Variants in ARHGAP32 observed in about 807,000 individuals in gnomAD.
ARHGAP32 encodes the protein rho GTPase-activating protein 32.
In ARHGAP32, 51 loss-of-function variants were observed where a neutral mutation model predicts 186.5. The ratio of observed to expected loss-of-function variants is 0.27; its 90% confidence interval spans 0.22 to 0.35. The LOEUF (loss-of-function observed/expected upper bound fraction) is 0.35, where lower values mean the gene tolerates loss of function less well. ARHGAP32 is among the 10% of genes least tolerant of loss of function. ARHGAP32 has a pLI of 1.00. For synonymous variants in ARHGAP32, 950 were observed against 964.3 expected (o/e 0.99, Z 0.27); for missense variants, 2,186 against 2,623.5 (o/e 0.83, Z 3.64).
chr11:129,092,713 C>T (rs1233147800), intron 6 of ARHGAP32, among the ~76,000 whole-genome samples: 1 of 151,916 alleles, frequency 6.6e-6, no homozygotes, highest in East Asian at 1.9e-4. Flanking sequence ...CAACTAAAAA[C>T]TTCAGTATAT....
chr11:128,965,850 T>TA lies in ARHGAP32; in HGVS notation c.*3056dup, dbSNP rs1206357186. ...GCATCTATTACTGCTCCAAATGTGG[T>TA]AACCTACTCCTCCGTCCCCACTCAC... On this transcript the variant is annotated 3_prime_UTR_variant, in exon 23 of 23. Coordinates refer to ENST00000682385, the MANE Select transcript of ARHGAP32 (RefSeq NM_001378024.1). The TA allele has an allele frequency of 6.6e-6, 1 of 152,212 alleles. No individual in the cohort carries two copies. The highest frequency in any genetic ancestry group is 1.5e-5 in the Non-Finnish European group (1 of 68,040). 9.4% of individuals were successfully genotyped at this position (152,212 alleles called of 1,614,324 possible). A position where few individuals can be genotyped will look rare whatever the true frequency, so the allele number is the denominator to read the frequency against.
chr11:129,021,051 G>C (rs890931767), intron 11 of ARHGAP32, among the ~76,000 whole-genome samples: 6 of 152,002 alleles, frequency 3.9e-5, no homozygotes, highest in Non-Finnish European at 8.8e-5. Flanking sequence ...TCATATACAT[G>C]CAAGGCCACA....
chr11:129,110,482 C>T lies in ARHGAP32; in HGVS notation c.444+12964G>A, dbSNP rs76471732. On this transcript the variant is annotated intron_variant, in intron 5 of 22. Transcript: ENST00000682385. ...TTTTTTCTATTTATGTGAAAAATGG[C>T]ATTGGTATTTTCATAGACATTGTAT... Among the ~76,000 whole-genome samples the T allele has an allele frequency of 9.1e-3, 1,390 of 152,180 alleles. 21 individuals carry two copies. Among genetic ancestry groups the T allele is most frequent in the African/African-American group, 0.032 (1,318 of 41,530 alleles).
intron 5 of ARHGAP32, among the ~76,000 whole-genome samples, chr11:129,109,519 G>A (rs1462111120): frequency 6.6e-6 from 1 of 151,962 alleles, no homozygotes; most frequent in Non-Finnish European, 1.5e-5. Flanking sequence ...AATAGTGCTT[G>A]TACTCATTTA....
chr11:129,066,173 C>T (rs895417922), intron 7 of ARHGAP32, among the ~76,000 whole-genome samples: 4 of 151,922 alleles, frequency 2.6e-5, no homozygotes, highest in South Asian at 2.1e-4. Flanking sequence ...TTGTGTTTTG[C>T]GGTCTTGTTG....
intron 1 of ARHGAP32, among the ~76,000 whole-genome samples, chr11:129,174,326 G>C (rs1943851393): frequency 6.6e-6 from 1 of 152,222 alleles, no homozygotes; most frequent in African/African-American, 2.4e-5. Flanking sequence ...TAGCACAGCA[G>C]TCTGAGATCA....
intron 6 of ARHGAP32, among the ~76,000 whole-genome samples, chr11:129,086,240 C>T (rs11221560): frequency 0.14 from 21,499 of 151,974 alleles, 1,782 homozygotes; most frequent in African/African-American, 0.22. Context: ...AACAAGAAAA[C>T]GATTCTAGAC....
chr11:128,979,835 C>T (rs1485404317), intron 18 of ARHGAP32, among the ~76,000 whole-genome samples: 1 of 152,184 alleles, frequency 6.6e-6, no homozygotes, highest in Non-Finnish European at 1.5e-5. Flanking sequence ...CTTTTACATA[C>T]ATTAGTCTTC....
intron 12 of ARHGAP32, among the ~76,000 whole-genome samples, chr11:128,989,515 TTCACACAC>T (rs1945975713): frequency 3.4e-5 from 3 of 87,236 alleles, no homozygotes; most frequent in Non-Finnish European, 6.7e-5. Flanking sequence ...TGTTTTTTAT[TTCACACAC>T]ACACACACAC....
At chr11:129,070,758 T>A (rs914116917) in intron 6 of ARHGAP32, among the ~76,000 whole-genome samples, 2 of 151,978 alleles carry the variant, frequency 1.3e-5, no homozygotes, top group Non-Finnish European at 2.9e-5. Flanking sequence ...ATTGACACGT[T>A]GTACCAATTT....
At chr11:129,007,363 T>C (rs1004163720) in intron 11 of ARHGAP32, among the ~76,000 whole-genome samples, 6 of 152,004 alleles carry the variant, frequency 3.9e-5, no homozygotes, top group South Asian at 2.1e-4. Context: ...GTCTCACCCA[T>C]GGCCCATGGC....
At chr11:129,148,760 C>G (rs1157895085) in intron 2 of ARHGAP32, among the ~76,000 whole-genome samples, 1 of 152,140 alleles carries the variant, frequency 6.6e-6, no homozygotes, top group Non-Finnish European at 1.5e-5. Flanking sequence ...CTGAGTGGGG[C>G]ACTGCAGGAG....
intron 18 of ARHGAP32, among the ~76,000 whole-genome samples, chr11:128,979,244 T>C (rs1043717932): frequency 6.6e-6 from 1 of 152,050 alleles, no homozygotes; most frequent in Non-Finnish European, 1.5e-5. Flanking sequence ...TGTCCAAAAA[T>C]AACACAGAGT....
intron 7 of ARHGAP32, 55 bp downstream of exon 7, chr11:129,066,676 T>A (rs1220786052): frequency 6.5e-7 from 1 of 1,528,660 alleles, no homozygotes; most frequent in Non-Finnish European, 8.8e-7. Flanking sequence ...AGACAAAAAC[T>A]TCTGCAAACT....
At chr11:129,191,447 T>C (rs749248982) in intron 1 of ARHGAP32, among the ~76,000 whole-genome samples, 2 of 152,110 alleles carry the variant, frequency 1.3e-5, no homozygotes, top group African/African-American at 4.8e-5. Context: ...GACACTAAAC[T>C]GAGAGCTGCT....
chr11:129,023,780 A>G (rs1248525737), intron 11 of ARHGAP32: 1 of 556,264 alleles, frequency 1.8e-6, no homozygotes, highest in Non-Finnish European at 2.3e-6. Context: ...GCCCAAATAT[A>G]ATCTAAACAT....
chr11:129,265,816 T>C (rs535628167), intron 1 of ARHGAP32, among the ~76,000 whole-genome samples: 405 of 152,326 alleles, frequency 2.7e-3, no homozygotes, highest in African/African-American at 9.2e-3. Flanking sequence ...TCTAACCTTA[T>C]ATAAATGAGT....
intron 1 of ARHGAP32, among the ~76,000 whole-genome samples, chr11:129,256,255 T>C (rs898630441): frequency 7.9e-5 from 12 of 152,152 alleles, no homozygotes; most frequent in African/African-American, 2.7e-4. Flanking sequence ...TGAATATGTA[T>C]GTTCTATGCA....
At chr11:129,260,836 A>T (rs1279019918) in intron 1 of ARHGAP32, among the ~76,000 whole-genome samples, 1 of 152,204 alleles carries the variant, frequency 6.6e-6, no homozygotes, top group Non-Finnish European at 1.5e-5. Flanking sequence ...TTACATAAGC[A>T]TCTCTGAAAT....
Sources: gnomAD v4.1 joint callset for allele counts (sites outside exome capture counted in the v4.1 genomes callset) on GRCh38, gnomAD v4.1.1 for gene constraint, MANE v1.5 for transcripts, NCBI Gene and HGNC (gene_info 2026-07-23, HGNC 2026-07-21) for gene names.